The following MLIP variants were observed in gnomAD, a reference collection of about 807,000 sequenced individuals.
MLIP encodes the protein muscular LMNA interacting protein.
A neutral mutation model predicts 84.8 loss-of-function variants in MLIP; 79 were observed. The ratio of observed to expected loss-of-function variants is 0.93; its 90% CI spans 0.78 to 1.12. The LOEUF is 1.12. Among genes scored for constraint, MLIP ranks in the 50% most tolerant of loss-of-function variants. The pLI is 0.00. For missense variants in MLIP, 1,257 were observed against 1,160.6 expected (o/e 1.08, Z -1.21); for synonymous variants, 504 against 463.0 (o/e 1.09, Z -1.14).
At chr6:54,226,337 A>G (rs965967861) in intron 11 of MLIP, among the ~76,000 whole-genome samples, 34 of 152,158 alleles carry the variant, frequency 2.2e-4, no homozygotes, top group African/African-American at 8.0e-4. Flanking sequence ...TGTCTCTTCT[A>G]TTCACATCTC....
At chr6:54,035,859 T>G (rs2150292014) in intron 1 of MLIP, among the ~76,000 whole-genome samples, 1 of 152,166 alleles carries the variant, frequency 6.6e-6, no homozygotes, top group African/African-American at 2.4e-5. Flanking sequence ...AAAAATATAT[T>G]CTAGATGCAT....
chr6:54,036,706 A>C (rs568633126), intron 1 of MLIP, among the ~76,000 whole-genome samples: 2 of 152,194 alleles, frequency 1.3e-5, no homozygotes, highest in East Asian at 3.9e-4. Flanking sequence ...AAATAGAACT[A>C]CTATATGACC....
chr6:54,075,767 C>T (rs1766766816), intron 1 of MLIP, among the ~76,000 whole-genome samples: 1 of 152,154 alleles, frequency 6.6e-6, no homozygotes, highest in South Asian at 2.1e-4. Flanking sequence ...CTCCTGGTCT[C>T]TCAGGTCACC....
intron 12 of MLIP, among the ~76,000 whole-genome samples, chr6:54,241,855 G>A (rs1208311195): frequency 1.3e-5 from 2 of 152,060 alleles, no homozygotes; most frequent in Admixed American, 1.3e-4. Flanking sequence ...GCAAATAGAT[G>A]TATTTTCAGT....
At chr6:54,068,507 T>G (rs987552249) in intron 1 of MLIP, among the ~76,000 whole-genome samples, 1 of 99,504 alleles carries the variant, frequency 1.0e-5, no homozygotes, top group African/African-American at 2.6e-5. Flanking sequence ...GCTCCTGGAT[T>G]TTATGTTCTA....
At chr6:54,083,444 T>A in intron 1 of MLIP, 1 of 1,514,830 alleles carries the variant, frequency 6.6e-7, no homozygotes, top group Non-Finnish European at 8.8e-7. Context: ...TACAGTGCTT[T>A]GTCATCTTTG....
At position 54,123,210 on chromosome 6, in the gene MLIP, C is replaced by T. The variant is rs1036280577; in HGVS notation, c.253-1263C>T. Reference sequence around the variant, plus strand: ...TCGGCCTCCCAAAGTGCTGGGATTACAGGCTTGAGCCACCGCGCCCGGCTT... The same window carrying T: ...TCGGCCTCCCAAAGTGCTGGGATTATAGGCTTGAGCCACCGCGCCCGGCTT... On this transcript the variant is annotated intron_variant, in intron 2 of 13. Transcript: ENST00000502396. Among the ~76,000 whole-genome samples, 12 of 150,592 alleles carry T rather than the reference C, an allele frequency of 8.0e-5. No individual in the cohort carries two copies. In the East Asian group the frequency reaches 1.8e-3, roughly 22 times the overall value.
chr6:54,111,092 G>C (rs1434114842), upstream of MLIP, among the ~76,000 whole-genome samples: 3 of 152,188 alleles, frequency 2.0e-5, no homozygotes, highest in Non-Finnish European at 4.4e-5. Flanking sequence ...GAGATTGGCA[G>C]GTGCTAGCGC....
At chr6:54,247,858 C>G (rs1376641332) in intron 12 of MLIP, among the ~76,000 whole-genome samples, 2 of 152,004 alleles carry the variant, frequency 1.3e-5, no homozygotes, top group Non-Finnish European at 2.9e-5. Context: ...GGATCTGGTA[C>G]GGGGTCTAAG....
intron 11 of MLIP, among the ~76,000 whole-genome samples, chr6:54,220,922 T>TACACAC (rs143689632): frequency 6.6e-6 from 1 of 150,500 alleles, no homozygotes; most frequent in Non-Finnish European, 1.5e-5. Context: ...AAAGGAGATA[T>TACACAC]ACACACACAC....
At chr6:54,139,194 T>G (rs1182310971) in intron 4 of MLIP, among the ~76,000 whole-genome samples, 6 of 152,144 alleles carry the variant, frequency 3.9e-5, no homozygotes, top group Non-Finnish European at 8.8e-5. Flanking sequence ...TAATTCAATT[T>G]TAATCAGTAG....
At chr6:54,125,963 G>A (rs1458304837) in intron 3 of MLIP, among the ~76,000 whole-genome samples, 1 of 151,352 alleles carries the variant, frequency 6.6e-6, no homozygotes, top group Non-Finnish European at 1.5e-5. Context: ...CTAGTATCTT[G>A]TATTGTCTTC....
intron 3 of MLIP, among the ~76,000 whole-genome samples, chr6:54,128,926 G>GTT (rs367744663): frequency 4.0e-5 from 6 of 150,794 alleles, no homozygotes; most frequent in African/African-American, 1.5e-4. Flanking sequence ...TGGCAGCATT[G>GTT]TTTTTTTTTG....
intron 11 of MLIP, chr6:54,215,320 T>G (rs938060496): frequency 1.5e-6 from 2 of 1,374,258 alleles, no homozygotes; most frequent in Non-Finnish European, 1.9e-6. Context: ...TCTTGTGATT[T>G]TTGAAAAAAT....
intron 9 of MLIP, among the ~76,000 whole-genome samples, chr6:54,183,884 A>T (rs1150877): frequency 6.6e-6 from 1 of 151,664 alleles, no homozygotes; most frequent in Non-Finnish European, 1.5e-5. Context: ...GTTCAAAGTA[A>T]GGAAGGCATG....
At chr6:54,124,973 A>G in intron 3 of MLIP, 108 bp downstream of exon 3, 1 of 912,682 alleles carries the variant, frequency 1.1e-6, no homozygotes, top group Non-Finnish European at 1.5e-6. Context: ...AAAACTTTCA[A>G]AGAAAAATAT....
intron 4 of MLIP, among the ~76,000 whole-genome samples, chr6:54,141,873 G>C (rs1403606243): frequency 1.3e-5 from 2 of 152,154 alleles, no homozygotes; most frequent in Non-Finnish European, 2.9e-5. Flanking sequence ...CTCCATTCAT[G>C]GGCCTGCCCT....
chr6:54,154,270 ATAAAG>A (rs1351056828), intron 5 of MLIP, among the ~76,000 whole-genome samples: 5 of 152,158 alleles, frequency 3.3e-5, no homozygotes, highest in African/African-American at 7.2e-5. Flanking sequence ...CATAAAAAAA[ATAAAG>A]TAGACTACTG....
intron 1 of MLIP, chr6:54,047,508 G>T (rs73744126): frequency 2.0e-5 from 3 of 152,096 alleles, no homozygotes; most frequent in Non-Finnish European, 4.4e-5. Flanking sequence ...AAAAAGAATG[G>T]CTACATTTGA....
Sources: gnomAD v4.1 joint callset for allele counts (sites outside exome capture counted in the v4.1 genomes callset) on GRCh38, gnomAD v4.1.1 for gene constraint, MANE v1.5 for transcripts, NCBI Gene and HGNC (gene_info 2026-07-23, HGNC 2026-07-21) for gene names.